STMN2: variants seen among roughly 807,000 people sequenced by gnomAD.
STMN2 encodes stathmin 2.
In STMN2, 2 loss-of-function variants were observed where a neutral mutation model predicts 24.1. The observed-to-expected ratio is 0.08, with a 90% CI of 0.03 to 0.26. The LOEUF (loss-of-function observed/expected upper bound fraction) is 0.26. Among genes scored for constraint, STMN2 ranks in the 10% least tolerant of loss-of-function variants. The pLI is 1.00. For synonymous variants in STMN2, 83 were observed against 77.5 expected (o/e 1.07, Z -0.37); for missense variants, 114 against 213.6 (o/e 0.53, Z 2.91).
intron 2 of STMN2, among the ~76,000 whole-genome samples, chr8:79,639,156 T>C (rs16907017): frequency 0.014 from 2,192 of 152,258 alleles, 51 homozygotes; most frequent in African/African-American, 0.05. Context: ...AAAAGAACAT[T>C]AACGGGAACA....
chr8:79,635,235 C>T (rs1222815323), intron 1 of STMN2, among the ~76,000 whole-genome samples: 3 of 152,108 alleles, frequency 2.0e-5, no homozygotes, highest in African/African-American at 7.2e-5. Context: ...AATCTGGACT[C>T]TTGCAACTGC....
At chr8:79,616,995 C>T (rs1303163410) in intron 1 of STMN2, among the ~76,000 whole-genome samples, 3 of 152,026 alleles carry the variant, frequency 2.0e-5, no homozygotes, top group Non-Finnish European at 4.4e-5. Context: ...TGCAAGCTTA[C>T]TATCATTTAT....
intron 1 of STMN2, among the ~76,000 whole-genome samples, chr8:79,618,868 T>G (rs1224126393): frequency 6.6e-6 from 1 of 152,188 alleles, no homozygotes; most frequent in Non-Finnish European, 1.5e-5. Flanking sequence ...GAGCCACATA[T>G]TATACTATAA....
chr8:79,621,084 A>C, intron 1 of STMN2: 1 of 940,544 alleles, frequency 1.1e-6, no homozygotes, highest in Non-Finnish European at 1.3e-6. Context: ...GCCCTTCTCC[A>C]CCAGTGCTGC....
chr8:79,635,295 T>A (rs1809916864), intron 1 of STMN2, among the ~76,000 whole-genome samples: 1 of 152,190 alleles, frequency 6.6e-6, no homozygotes, highest in Admixed American at 6.5e-5. Context: ...AAGGAGATCC[T>A]TATCAGATGT....
At chr8:79,619,528 T>C (rs1001329138) in intron 1 of STMN2, among the ~76,000 whole-genome samples, 1 of 152,116 alleles carries the variant, frequency 6.6e-6, no homozygotes, top group African/African-American at 2.4e-5. Context: ...ATATTGACTG[T>C]TACAAAACTG....
Position 79,633,695 on chromosome 8 carries a change from C to T in STMN2, c.20-3107C>T, listed in dbSNP as rs117464402. On this transcript the variant is annotated intron_variant, in intron 1 of 4. Transcript: ENST00000220876. The stretch of plus-strand genomic sequence containing the variant: ...ACTAATCCCATTCATGAAGGCTTCA[C>T]CTTCATCATCTAATTACTCTCCAAA... 8.5e-3 allele frequency among the ~76,000 whole-genome samples: 1,297 copies of T among 152,266 alleles called. 13 individuals are homozygous for T. The highest frequency in any genetic ancestry group is 0.013 in the Non-Finnish European group (897 of 68,022).
chr8:79,613,514 G>A (rs1423440484), intron 1 of STMN2: 4 of 985,378 alleles, frequency 4.1e-6, no homozygotes, highest in African/African-American at 1.7e-5. Flanking sequence ...ATGGGTGGTG[G>A]GGGCGATCTC....
At chr8:79,656,408 T>C (rs886134997) in intron 4 of STMN2, among the ~76,000 whole-genome samples, 3 of 152,202 alleles carry the variant, frequency 2.0e-5, no homozygotes, top group African/African-American at 4.8e-5. Flanking sequence ...AACAATGTCA[T>C]TGCGTTTCAC....
At chr8:79,620,204 T>C (rs1257618316) in intron 1 of STMN2, among the ~76,000 whole-genome samples, 1 of 148,312 alleles carries the variant, frequency 6.7e-6, no homozygotes, top group African/African-American at 2.4e-5. Context: ...ATATTACATA[T>C]AATAAAGTTG....
intron 1 of STMN2, among the ~76,000 whole-genome samples, chr8:79,625,724 G>A (rs941930724): frequency 6.6e-6 from 1 of 152,284 alleles, no homozygotes; most frequent in African/African-American, 2.4e-5. Flanking sequence ...TTGGGAGGCC[G>A]AGGTGGGTGG....
intron 1 of STMN2, among the ~76,000 whole-genome samples, chr8:79,635,627 C>A (rs530317135): frequency 2.6e-4 from 40 of 152,172 alleles, no homozygotes; most frequent in Non-Finnish European, 4.6e-4. Context: ...CAGTTGGGAC[C>A]CATAATCCTA....
chr8:79,630,976 A>C (rs909504430), intron 1 of STMN2, among the ~76,000 whole-genome samples: 2 of 152,146 alleles, frequency 1.3e-5, no homozygotes, highest in African/African-American at 4.8e-5. Flanking sequence ...AAGCGCTTTC[A>C]TTACTCCTCT....
At chr8:79,645,777 T>C (rs1000671628) in intron 3 of STMN2, among the ~76,000 whole-genome samples, 3 of 152,180 alleles carry the variant, frequency 2.0e-5, no homozygotes, top group African/African-American at 7.2e-5. Flanking sequence ...GGAGGGGACT[T>C]CTCTGAACCT....
chr8:79,614,669 A>G (rs1175716583), intron 1 of STMN2, among the ~76,000 whole-genome samples: 3 of 152,220 alleles, frequency 2.0e-5, no homozygotes, highest in Non-Finnish European at 2.9e-5. Context: ...CATTTGTGCT[A>G]TTAAAATCTA....
At chr8:79,625,774 A>G (rs771825650) in intron 1 of STMN2, among the ~76,000 whole-genome samples, 20 of 152,142 alleles carry the variant, frequency 1.3e-4, no homozygotes, top group Admixed American at 3.9e-4. Flanking sequence ...CCTGGACAAC[A>G]TGGTGAAACC....
chr8:79,616,504 T>C (rs1809385290), intron 1 of STMN2, among the ~76,000 whole-genome samples: 1 of 152,220 alleles, frequency 6.6e-6, no homozygotes, highest in African/African-American at 2.4e-5. Flanking sequence ...TGAATTACCT[T>C]TGATTTTCAT....
chr8:79,632,702 G>T (rs1455287408), intron 1 of STMN2, among the ~76,000 whole-genome samples: 4 of 152,126 alleles, frequency 2.6e-5, no homozygotes, highest in Non-Finnish European at 5.9e-5. Context: ...TTTTATATGT[G>T]ATCAGGAAGA....
intron 1 of STMN2, chr8:79,611,825 C>T: frequency 1.6e-6 from 1 of 624,072 alleles, no homozygotes; most frequent in Non-Finnish European, 2.0e-6. Context: ...GGGGTAGGAC[C>T]TCCGCTCCTT....
Sources: gnomAD v4.1 joint callset for allele counts (sites outside exome capture counted in the v4.1 genomes callset) on GRCh38, gnomAD v4.1.1 for gene constraint, MANE v1.5 for transcripts, NCBI Gene and HGNC (gene_info 2026-07-23, HGNC 2026-07-21) for gene names.